AGO3: variants seen among roughly 807,000 people sequenced by gnomAD.
AGO3 encodes protein argonaute-3.
AGO3 carries 16 observed loss-of-function variants against 105.5 expected under a neutral mutation model. The observed-to-expected ratio is 0.15, with a 90% CI of 0.10 to 0.23. AGO3 has a LOEUF of 0.23. AGO3 is among the 10% of genes least tolerant of loss of function. The pLI is 1.00. For synonymous variants in AGO3, 340 were observed against 367.3 expected (o/e 0.93, Z 0.85); for missense variants, 534 against 1,088.0 (o/e 0.49, Z 7.16).
At chr1:36,038,394 T>C (rs968294892) in intron 14 of AGO3, among the ~76,000 whole-genome samples, 1 of 151,680 alleles carries the variant, frequency 6.6e-6, no homozygotes, top group Admixed American at 6.6e-5. Context: ...TAGCTGGGAC[T>C]ACAGGTGCAC....
intron 5 of AGO3, among the ~76,000 whole-genome samples, chr1:35,996,229 G>A (rs1392864110): frequency 6.6e-6 from 1 of 151,776 alleles, no homozygotes; most frequent in Admixed American, 6.6e-5. Context: ...GGAGGATGAG[G>A]TGAGAAGATT....
Position 36,044,249 on chromosome 1 carries a change from G to A in AGO3, c.2274+701G>A, listed in dbSNP as rs954535983. Among the ~76,000 whole-genome samples the A allele has an allele frequency of 4.6e-5, 7 of 152,144 alleles. 1 individual carries two copies. Among genetic ancestry groups the A allele is most frequent in the Non-Finnish European group, 1.0e-4 (7 of 68,010 alleles). ...AGTCTCAGCTATTCAGGAGGCTGTC[G>A]TGGGAGGATCACTTGAGCGCGGAGG... On this transcript the variant is annotated intron_variant, in intron 17 of 18. Transcript: ENST00000373191.
intron 8 of AGO3, 49 bp downstream of exon 8, chr1:36,009,093 T>TTTTTTTTTTTTTTTGAGAC: frequency 2.0e-6 from 3 of 1,473,358 alleles, no homozygotes; most frequent in East Asian, 4.1e-5. Context: ...ATGATTCTTT[T>TTTTTTTTTTTTTTTGAGAC]GGGGTCTTTT....
At chr1:36,036,644 C>G (rs879888794) in intron 14 of AGO3, among the ~76,000 whole-genome samples, 20 of 152,140 alleles carry the variant, frequency 1.3e-4, no homozygotes, top group Non-Finnish European at 2.1e-4. Context: ...TATAAAATGT[C>G]TCCCACCTTC....
intron 2 of AGO3, among the ~76,000 whole-genome samples, chr1:35,960,056 C>T (rs1646645963): frequency 6.6e-6 from 1 of 151,774 alleles, no homozygotes; most frequent in Non-Finnish European, 1.5e-5. Context: ...AAACTCATGC[C>T]TTCTTATTTC....
intron 11 of AGO3, among the ~76,000 whole-genome samples, chr1:36,024,924 CTCA>C: frequency 6.6e-6 from 1 of 152,290 alleles, no homozygotes; most frequent in African/African-American, 2.4e-5. Context: ...CCTGTTTCCA[CTCA>C]TGCTGCCCTT....
At chr1:36,033,048 A>G (rs138015162) in intron 12 of AGO3, among the ~76,000 whole-genome samples, 2,315 of 152,152 alleles carry the variant, frequency 0.015, 49 homozygotes, top group African/African-American at 0.053. Flanking sequence ...CAGGAGAATC[A>G]CTTGAACCCA....
In AGO3 at chr1:35,982,781, C is replaced by G. The variant is rs1647076868; in HGVS notation, c.658+9270C>G. 1.0e-5 allele frequency: 6 copies of G among 596,958 alleles called. No individual in the cohort carries two copies. The Admixed American group carries it at 1.9e-4, about 19-fold the overall frequency. The allele number at this position is 596,958 out of a possible 1,614,324, so 37.0% of individuals were successfully genotyped here. Reference sequence around the variant, plus strand: ...TAAGCTGAAAAAATAGGTTTAAGAACCATGTCCAGAAAAAAAAAACTTTGG... The same window carrying G: ...TAAGCTGAAAAAATAGGTTTAAGAAGCATGTCCAGAAAAAAAAAACTTTGG... On this transcript the variant is annotated intron_variant, in intron 5 of 18. Coordinates refer to ENST00000373191, the MANE Select transcript of AGO3 (RefSeq NM_024852.4).
rs972432094 is a variant in AGO3 at position 36,008,595 on chromosome 1, C to T, written c.794-95C>T. On this transcript the variant is annotated intron_variant, in intron 6 of 18. Transcript: ENST00000373191. The surrounding 1 kb of genome is among the most constrained non-coding windows in gnomAD (Gnocchi z 5.1). Reference sequence around the variant, plus strand: ...TGTATCACAGAATTTTTTGTCTGTTCAGAATTGAGTTTTTATGGTAATGAA... The same window carrying T: ...TGTATCACAGAATTTTTTGTCTGTTTAGAATTGAGTTTTTATGGTAATGAA... The T allele has an allele frequency of 7.5e-6, 9 of 1,193,052 alleles. No homozygotes were observed. The highest frequency in any genetic ancestry group is 1.1e-5 in the Non-Finnish European group (9 of 842,108). 73.9% of individuals were successfully genotyped at this position (1,193,052 alleles called of 1,614,324 possible).
At position 36,015,004 on chromosome 1, in the gene AGO3, G is replaced by A. The variant is rs184986436; in HGVS notation, c.1406+956G>A. 2.6e-5 allele frequency among the ~76,000 whole-genome samples: 4 copies of A among 152,206 alleles called. No individual in the cohort carries two copies. The East Asian group carries it at 7.7e-4, about 29-fold the overall frequency. ...CACCAAGCAAACAATCAGTTCTGCA[G>A]TGGACACCAGCTGGGTGTCCTCCAA... On this transcript the variant is annotated intron_variant, in intron 11 of 18. Coordinates refer to ENST00000373191, the MANE Select transcript of AGO3 (RefSeq NM_024852.4).
chr1:35,952,097 C>T lies in AGO3; in HGVS notation c.191+6234C>T, dbSNP rs556893387. ...TCTACTTTCTTTCTCTGTAGATTGT[C>T]GGTTCTGGGTCGGTCTTTCTTTCTT... is the stretch of plus-strand genomic sequence containing the variant. On this transcript the variant is annotated intron_variant, in intron 2 of 18. Transcript: ENST00000373191. Among the ~76,000 whole-genome samples the T allele has an allele frequency of 4.9e-3, 731 of 147,906 alleles. 5 individuals are homozygous for T. The highest frequency in any genetic ancestry group is 7.2e-3 in the Non-Finnish European group (484 of 67,094).
rs1336341025 is a variant in AGO3, at chr1:36,057,394, A to T, written c.*1649A>T. ...AACACATATGTATGTGTTTGGAAGT[A>T]TAGCTTCCTTTTCTTTTATATTTAT... On this transcript the variant is annotated 3_prime_UTR_variant, in exon 19 of 19. Coordinates refer to ENST00000373191, the MANE Select transcript of AGO3 (RefSeq NM_024852.4). 6.6e-6 allele frequency: 1 copy of T among 152,032 alleles called. No individual in the cohort carries two copies. Among genetic ancestry groups the T allele is most frequent in the African/African-American group, 2.4e-5 (1 of 41,448 alleles). The allele number at this position is 152,032 out of a possible 1,614,324, so 9.4% of individuals were successfully genotyped here.
intron 16 of AGO3, among the ~76,000 whole-genome samples, chr1:36,042,022 C>T (rs1447110054): frequency 6.6e-6 from 1 of 152,098 alleles, no homozygotes; most frequent in Admixed American, 6.6e-5. Flanking sequence ...AGATATTGTT[C>T]TAAGTATTGC....
chr1:36,036,683 CTTTTA>C (rs574112774), intron 14 of AGO3, among the ~76,000 whole-genome samples: 1 of 151,902 alleles, frequency 6.6e-6, no homozygotes, highest in South Asian at 2.1e-4. Flanking sequence ...CACCTGAATT[CTTTTA>C]TTTTATTTTA....
chr1:35,973,800 T>G (rs993353669), intron 5 of AGO3, among the ~76,000 whole-genome samples: 1 of 152,230 alleles, frequency 6.6e-6, no homozygotes, highest in Non-Finnish European at 1.5e-5. Flanking sequence ...CTTTTAACTC[T>G]AAGCCAACAT....
intron 13 of AGO3, 84 bp from the exon 14 acceptor site, chr1:36,036,093 T>C (rs1641995007): frequency 4.0e-5 from 54 of 1,334,248 alleles, no homozygotes; most frequent in Non-Finnish European, 5.4e-5. Flanking sequence ...GTCAATAACT[T>C]GAAGTTACGT....
At position 35,931,179 on chromosome 1, in the gene AGO3, A is replaced by G. The variant is rs1306161065; in HGVS notation, c.-248A>G. 5 of 395,620 alleles carry G rather than the reference A, an allele frequency of 1.3e-5. No homozygotes were observed. The Admixed American group carries it at 1.3e-4, about 11-fold the overall frequency. The allele number at this position is 395,620 out of a possible 1,614,324, so 24.5% of individuals were successfully genotyped here. On this transcript the variant is annotated 5_prime_UTR_variant, in exon 1 of 19. Coordinates refer to ENST00000373191, the MANE Select transcript of AGO3 (RefSeq NM_024852.4). ...CGGCCGCGGGCGATGCAACTTCCGG[A>G]CGGGACTCCCCTCTGTCCGCGCCTC...
chr1:35,991,040 C>T (rs970987840), intron 5 of AGO3, among the ~76,000 whole-genome samples: 2 of 152,134 alleles, frequency 1.3e-5, no homozygotes, highest in African/African-American at 2.4e-5. Flanking sequence ...CGGTGGCTCA[C>T]GCCTGTAATT....
intron 5 of AGO3, among the ~76,000 whole-genome samples, chr1:35,999,309 C>T (rs1639980388): frequency 6.6e-6 from 1 of 152,192 alleles, no homozygotes; most frequent in Admixed American, 6.5e-5. Context: ...CACTGCACTC[C>T]AGCAGCCTGG....
Sources: gnomAD v4.1 joint callset for allele counts (sites outside exome capture counted in the v4.1 genomes callset) on GRCh38, gnomAD v4.1.1 for gene constraint, Gnocchi (gnomAD v3.1) non-coding constraint, MANE v1.5 for transcripts, NCBI Gene and HGNC (gene_info 2026-07-23, HGNC 2026-07-21) for gene names.